Variants in SVEP1 observed in about 807,000 individuals in gnomAD.
SVEP1 encodes the protein sushi, von Willebrand factor type A, EGF and pentraxin domain containing 1.
Under a neutral mutation model 367.3 loss-of-function variants are expected in SVEP1, and 164 were observed. The observed-to-expected ratio is 0.45, with a 90% CI of 0.39 to 0.51. The LOEUF (loss-of-function observed/expected upper bound fraction) is 0.51, where lower values mean the gene tolerates loss of function less well. SVEP1 is among the 20% of genes least tolerant of loss of function. The probability of loss-of-function intolerance (pLI) is 0.00; values close to 1 mark genes in which losing one functional copy is unlikely to be tolerated. For missense variants in SVEP1, 4,117 were observed against 4,425.3 expected (o/e 0.93, Z 1.98); for synonymous variants, 1,666 against 1,611.6 (o/e 1.03, Z -0.81).
At chr9:110,434,200 C>A in intron 30 of SVEP1, 136 bp downstream of exon 30, 2 of 1,069,432 alleles carry the variant, frequency 1.9e-6, no homozygotes, top group Non-Finnish European at 2.6e-6. Context: ...GTTCATTAAA[C>A]AAAGAAAAGG....
chr9:110,409,730 T>G (rs1828017079), intron 37 of SVEP1, among the ~76,000 whole-genome samples: 1 of 152,214 alleles, frequency 6.6e-6, no homozygotes, highest in African/African-American at 2.4e-5. Flanking sequence ...TTTGTTTATA[T>G]TAACATATTT....
chr9:110,562,753 A>G (rs747214720), intron 1 of SVEP1, among the ~76,000 whole-genome samples: 1 of 152,092 alleles, frequency 6.6e-6, no homozygotes. Flanking sequence ...CAGTGGCGCA[A>G]TCTTGGCTCA....
intron 5 of SVEP1, among the ~76,000 whole-genome samples, chr9:110,511,187 T>C (rs1000510625): frequency 6.6e-6 from 1 of 152,196 alleles, no homozygotes; most frequent in African/African-American, 2.4e-5. Flanking sequence ...TTAATATTTT[T>C]TTTGTGGCAC....
intron 36 of SVEP1, among the ~76,000 whole-genome samples, chr9:110,412,151 G>C (rs1481598244): frequency 6.6e-6 from 1 of 152,180 alleles, no homozygotes; most frequent in East Asian, 1.9e-4. Flanking sequence ...CAAGGAGTAA[G>C]CTGTATAGTG....
chr9:110,424,672 T>TTTTTG lies in SVEP1; in HGVS notation c.5975+2914_5975+2918dup, dbSNP rs929469634. 7.2e-5 allele frequency among the ~76,000 whole-genome samples: 11 copies of TTTTTG among 152,302 alleles called. No individual in the cohort carries two copies. The East Asian group carries it at 9.6e-4, about 13-fold the overall frequency. Reference sequence around the variant, plus strand: ...ATAGAGAGAATTTTATTTTTTGGCATTTTTGTTTTGTTTTGTTTTTAGACA... The same window carrying TTTTTG: ...ATAGAGAGAATTTTATTTTTTGGCATTTTTGTTTTGTTTTGTTTTGTTTTTAGACA... On this transcript the variant is annotated intron_variant, in intron 36 of 47. Transcript: ENST00000374469.
chr9:110,443,905 T>C (rs1185770959), intron 26 of SVEP1, among the ~76,000 whole-genome samples, 185 bp from the exon 27 acceptor site: 1 of 152,204 alleles, frequency 6.6e-6, no homozygotes, highest in Non-Finnish European at 1.5e-5. Flanking sequence ...TTACTAATTA[T>C]ACTTTATTGT....
intron 1 of SVEP1, among the ~76,000 whole-genome samples, chr9:110,551,533 A>G (rs180689786): frequency 4.9e-4 from 74 of 152,350 alleles, no homozygotes; most frequent in Middle Eastern, 6.8e-3. Context: ...AATGAGATCA[A>G]GGAAAATCGT....
intron 12 of SVEP1, among the ~76,000 whole-genome samples, chr9:110,480,175 G>T (rs769734922): frequency 1.9e-4 from 29 of 152,180 alleles, no homozygotes; most frequent in South Asian, 4.2e-4. Context: ...TTATTTTTGT[G>T]CAATCATATT....
chr9:110,503,489 G>A (rs889064478), intron 5 of SVEP1, among the ~76,000 whole-genome samples: 1 of 152,202 alleles, frequency 6.6e-6, no homozygotes. Flanking sequence ...GCCCTACATG[G>A]AAGATGGTAA....
intron 4 of SVEP1, 113 bp downstream of exon 4, chr9:110,513,835 A>T: frequency 7.9e-7 from 1 of 1,259,208 alleles, no homozygotes; most frequent in Non-Finnish European, 1.1e-6. Context: ...AAATATGATT[A>T]GAGAAAAGAA....
intron 9 of SVEP1, among the ~76,000 whole-genome samples, chr9:110,485,208 G>T (rs1471602534): frequency 1.3e-5 from 2 of 152,176 alleles, no homozygotes; most frequent in African/African-American, 2.4e-5. Flanking sequence ...TGATAAACTG[G>T]ATAAAGAAAT....
At chr9:110,531,581 C>G in intron 3 of SVEP1, among the ~76,000 whole-genome samples, 1 of 152,262 alleles carries the variant, frequency 6.6e-6, no homozygotes, top group African/African-American at 2.4e-5. Flanking sequence ...TGTAAGTTTC[C>G]TGAGGCCTCC....
In SVEP1 at chr9:110,471,556, A is replaced by G; in HGVS notation, c.2806T>C (p.Trp936Arg). The change falls in exon 16 of 48, where the codon TGG becomes CGG. Residue 936 changes from tryptophan (W) to arginine (R), a missense_variant. Physicochemically the swap from Trp to Arg is moderately radical, Grantham distance 101 (BLOSUM62 -3). Around this residue, in one of 4 missense-constraint regions of SVEP1, gnomAD observed 2,174 missense variants for 2,494.3 expected, o/e 0.87. Transcript: ENST00000374469. ...TGAAGGAGTCGTTGCTGATTTTCCCATTCAAGGGTATCATTTCTTTCATCG... is the reference window on the plus strand; with the variant it reads ...TGAAGGAGTCGTTGCTGATTTTCCCGTTCAAGGGTATCATTTCTTTCATCG... ...LPDERNDTLE[W>R]ENQQRLLQTL... The G allele has an allele frequency of 6.2e-7, 1 of 1,613,904 alleles. No homozygotes were observed. Among genetic ancestry groups the G allele is most frequent in the South Asian group, 1.1e-5 (1 of 91,068 alleles).
At chr9:110,564,868 G>A (rs954513777) in intron 1 of SVEP1, among the ~76,000 whole-genome samples, 1 of 151,598 alleles carries the variant, frequency 6.6e-6, no homozygotes, top group Non-Finnish European at 1.5e-5. Context: ...TTTCAAATGT[G>A]TTGACTTTTA....
intron 4 of SVEP1, 33 bp downstream of exon 4, chr9:110,513,915 A>G (rs1347563015): frequency 1.3e-6 from 2 of 1,591,650 alleles, no homozygotes; most frequent in South Asian, 2.3e-5. Flanking sequence ...ATCAGCTTTT[A>G]TATTTCCCAT....
intron 13 of SVEP1, 87 bp from the exon 14 acceptor site, chr9:110,476,402 T>G: frequency 1.0e-6 from 1 of 975,248 alleles, no homozygotes; most frequent in Non-Finnish European, 1.6e-6. Flanking sequence ...CCTTCACGTC[T>G]CCATCAGCAG....
chr9:110,568,269 G>T (rs1217529008), intron 1 of SVEP1, among the ~76,000 whole-genome samples: 9 of 152,146 alleles, frequency 5.9e-5, no homozygotes, highest in Non-Finnish European at 1.0e-4. Context: ...GCAAATCAAG[G>T]CTCCCGCTCA....
chr9:110,510,398 T>C (rs1829690139), intron 5 of SVEP1, among the ~76,000 whole-genome samples: 2 of 152,188 alleles, frequency 1.3e-5, no homozygotes, highest in South Asian at 4.1e-4. Flanking sequence ...ATGGTGACTG[T>C]GCTTCCTTGA....
chr9:110,544,122 G>A (rs1830188205), intron 3 of SVEP1, among the ~76,000 whole-genome samples: 1 of 151,754 alleles, frequency 6.6e-6, no homozygotes, highest in African/African-American at 2.4e-5. Context: ...AGATGCAAGA[G>A]GAAATGTCCC....
Sources: allele counts gnomAD v4.1 joint callset (sites outside exome capture counted in the v4.1 genomes callset), GRCh38; gene constraint gnomAD v4.1.1; regional missense constraint gnomAD v4.1.1; transcripts MANE v1.5; gene names NCBI Gene and HGNC (gene_info 2026-07-23, HGNC 2026-07-21).